PACC1: variants seen among roughly 807,000 people sequenced by gnomAD.
PACC1 encodes the protein proton activated chloride channel 1.
Under a neutral mutation model 39.7 loss-of-function variants are expected in PACC1, and 34 were observed. The observed-to-expected ratio is 0.86, with a 90% CI of 0.65 to 1.14. The LOEUF (loss-of-function observed/expected upper bound fraction) is 1.14, where lower values mean the gene tolerates loss of function less well. PACC1 is among the 50% of genes most tolerant of loss of function. PACC1 has a pLI of 0.00. For synonymous variants in PACC1, 127 were observed against 160.6 expected (o/e 0.79, Z 1.58); for missense variants, 379 against 436.4 (o/e 0.87, Z 1.17).
intron 2 of PACC1, among the ~76,000 whole-genome samples, chr1:212,396,398 G>A (rs896921558): frequency 6.6e-5 from 10 of 152,010 alleles, no homozygotes; most frequent in Non-Finnish European, 1.0e-4. Context: ...GAGAACACTC[G>A]GACACAGGAA....
intron 4 of PACC1, among the ~76,000 whole-genome samples, chr1:212,381,146 T>C (rs974379145): frequency 3.3e-4 from 50 of 152,314 alleles, no homozygotes; most frequent in African/African-American, 1.2e-3. Context: ...GAGAGGGGTG[T>C]TTAAATCGTG....
At chr1:212,372,357 C>A in intron 7 of PACC1, among the ~76,000 whole-genome samples, 1 of 151,084 alleles carries the variant, frequency 6.6e-6, no homozygotes, top group East Asian at 1.9e-4. Flanking sequence ...AGGAACATAC[C>A]ACAATAAAGG....
chr1:212,375,542 GT>G (rs907331552), intron 6 of PACC1, among the ~76,000 whole-genome samples: 1 of 152,188 alleles, frequency 6.6e-6, no homozygotes, highest in African/African-American at 2.4e-5. Flanking sequence ...TACAATAGGT[GT>G]TTTGGATTGT....
Position 212,414,860 on chromosome 1 carries a change from A to G in PACC1, c.-103T>C, listed in dbSNP as rs1189591875. On this transcript the variant is annotated 5_prime_UTR_variant, in exon 1 of 8. Transcript: ENST00000261455. ...CTGGACCTACCGGCTCCGCGAGGCG[A>G]AACCGGTCCGGAGGGGCGTCCCAGA... The G allele has an allele frequency of 1.3e-6, 2 of 1,514,270 alleles. No individual in the cohort carries two copies. Among genetic ancestry groups the G allele is most frequent in the South Asian group, 1.2e-5 (1 of 86,128 alleles). 93.8% of individuals were successfully genotyped at this position (1,514,270 alleles called of 1,614,324 possible).
At chr1:212,413,940 G>C in intron 1 of PACC1, 1 of 1,535,578 alleles carries the variant, frequency 6.5e-7, no homozygotes, top group South Asian at 1.2e-5. Context: ...CACGATGGAG[G>C]GGCACAGAAG....
intron 7 of PACC1, 106 bp from the exon 8 acceptor site, chr1:212,365,482 T>C (rs1660206182): frequency 8.1e-7 from 1 of 1,236,854 alleles, no homozygotes; most frequent in South Asian, 1.6e-5. Flanking sequence ...CCCAGGCTTG[T>C]GTGCGTGGCG....
At chr1:212,414,667 C>T in intron 1 of PACC1, 55 bp downstream of exon 1, 1 of 1,609,284 alleles carries the variant, frequency 6.2e-7, no homozygotes, top group African/African-American at 1.3e-5. Context: ...GCCCAGGCCC[C>T]CGGGACCCTG....
chr1:212,413,932 C>G (rs1662227851), intron 1 of PACC1: 1 of 1,535,052 alleles, frequency 6.5e-7, no homozygotes, highest in Non-Finnish European at 8.7e-7. Context: ...TGAGGCGGCA[C>G]GATGGAGGGG....
intron 5 of PACC1, among the ~76,000 whole-genome samples, chr1:212,378,542 C>A (rs1660753518): frequency 6.6e-6 from 1 of 152,186 alleles, no homozygotes; most frequent in African/African-American, 2.4e-5. Context: ...CTGAATGGAG[C>A]CTCTGGGCTC....
At chr1:212,375,379 G>GT in intron 6 of PACC1, 79 bp from the exon 7 acceptor site, 1 of 995,978 alleles carries the variant, frequency 1.0e-6, no homozygotes, top group Non-Finnish European at 1.6e-6. Flanking sequence ...AGGAGAGAGA[G>GT]TAGGCAGGGG....
chr1:212,391,869 A>C (rs1363015175), intron 2 of PACC1, among the ~76,000 whole-genome samples: 1 of 152,224 alleles, frequency 6.6e-6, no homozygotes, highest in Non-Finnish European at 1.5e-5. Flanking sequence ...GAATGAAATG[A>C]AGCGAGAAGA....
chr1:212,414,618 C>A (rs1322768146), intron 1 of PACC1, 104 bp downstream of exon 1: 10 of 1,420,012 alleles, frequency 7.0e-6, no homozygotes, highest in African/African-American at 2.8e-5. Flanking sequence ...TCGGAAGAGC[C>A]CTCTGCCGCG....
At position 212,384,281 on chromosome 1, in the gene PACC1, AGC is replaced by A. The variant is rs575513343; in HGVS notation, c.495+991_495+992del. ...TTAGCAGGATTTTAGGAGGGGGCCT[AGC>A]GTTCACATACTAACAAAAAAAAAAT... On this transcript the variant is annotated intron_variant, in intron 4 of 7. Transcript: ENST00000261455. Among the ~76,000 whole-genome samples the A allele has an allele frequency of 1.5e-3, 221 of 152,156 alleles. 3 individuals carry two copies. The highest frequency in any genetic ancestry group is 7.4e-5 in the Non-Finnish European group (5 of 67,984).
At chr1:212,379,737 C>T (rs1016583092) in intron 5 of PACC1, among the ~76,000 whole-genome samples, 158 bp downstream of exon 5, 45 of 152,154 alleles carry the variant, frequency 3.0e-4, no homozygotes, top group Non-Finnish European at 3.4e-4. Flanking sequence ...TTGAGTGGAC[C>T]GGCCAAGCTC....
At chr1:212,410,070 G>T in intron 2 of PACC1, 1 of 270,916 alleles carries the variant, frequency 3.7e-6, no homozygotes. Flanking sequence ...GACAGGCCTA[G>T]TATCTGAAAG....
intron 4 of PACC1, among the ~76,000 whole-genome samples, chr1:212,381,670 GTGCACAGACACACACACACACAC>G (rs1274648143): frequency 0.012 from 1,565 of 133,864 alleles, 43 homozygotes; most frequent in Admixed American, 0.07. Flanking sequence ...GCCTGGGCAT[GTGCACAGACACACACACACACAC>G]TGCACACACA....
intron 2 of PACC1, among the ~76,000 whole-genome samples, chr1:212,406,353 C>T (rs924800727): frequency 1.3e-5 from 2 of 152,024 alleles, no homozygotes; most frequent in African/African-American, 2.4e-5. Flanking sequence ...CTCGTCTCTA[C>T]TAAAAATACA....
chr1:212,403,744 T>C (rs11119929), intron 2 of PACC1, among the ~76,000 whole-genome samples: 8,133 of 152,134 alleles, frequency 0.053, 336 homozygotes, highest in Admixed American at 0.11. Flanking sequence ...TTTGTGTTTT[T>C]TGTAGAGACA....
intron 2 of PACC1, among the ~76,000 whole-genome samples, chr1:212,397,777 G>A (rs922300927): frequency 6.6e-6 from 1 of 152,142 alleles, no homozygotes; most frequent in East Asian, 1.9e-4. Context: ...CTGTGGAGGG[G>A]GTCATGTTAG....
Sources: gnomAD v4.1 joint callset for allele counts (sites outside exome capture counted in the v4.1 genomes callset) on GRCh38, gnomAD v4.1.1 for gene constraint, MANE v1.5 for transcripts, NCBI Gene and HGNC (gene_info 2026-07-23, HGNC 2026-07-21) for gene names.